The following ZFP69B variants were observed in gnomAD, a reference collection of about 807,000 sequenced individuals.
ZFP69B encodes the protein zinc finger protein 69 homolog B.
In ZFP69B, 20 loss-of-function variants were observed where a neutral mutation model predicts 19.7. That is an observed-to-expected ratio of 1.02 (90% CI 0.71 to 1.48). The LOEUF (loss-of-function observed/expected upper bound fraction) is 1.48. Among genes scored for constraint, ZFP69B ranks in the 40% most tolerant of loss-of-function variants. The pLI, the probability that ZFP69B is intolerant of heterozygous loss-of-function variation, is 0.00. For missense variants in ZFP69B, 583 were observed against 632.6 expected (o/e 0.92, Z 0.84); for synonymous variants, 220 against 222.7 (o/e 0.99, Z 0.11).
chr1:40,460,061 T>C (rs1645267700), intron 4 of ZFP69B, among the ~76,000 whole-genome samples: 1 of 152,182 alleles, frequency 6.6e-6, no homozygotes, highest in Non-Finnish European at 1.5e-5. Context: ...GAAGCCATTT[T>C]CTACCTCTTA....
At position 40,462,638 on chromosome 1, in the gene ZFP69B, T is replaced by C. The variant is rs1645299900; in HGVS notation, c.654T>C (p.Thr218=). 2 of 1,614,018 alleles carry C rather than the reference T, an allele frequency of 1.2e-6. No homozygotes were observed. Among genetic ancestry groups the C allele is most frequent in the African/African-American group, 2.7e-5 (2 of 75,012 alleles). Residue 218 remains threonine (T), a synonymous_variant, in exon 5 of 5, where the codon ACT becomes ACC. Coordinates refer to ENST00000361584, the MANE Select transcript of ZFP69B (RefSeq NM_023070.3). ...CCCTGATGTGCAAGAAAACATTCAC[T>C]CAGGAGAGAGGCCAAGAGTCTAATA... ...QIPLMCKKTF[T]QERGQESNRF... is the part of the protein sequence containing the mutation.
At position 40,462,456 on chromosome 1, in the gene ZFP69B, T is replaced by C. The variant is rs1314340844; in HGVS notation, c.472T>C (p.Leu158=). The change falls in exon 5 of 5, where the codon TTA becomes CTA. Residue 158 remains leucine, a synonymous_variant. Coordinates refer to ENST00000361584, the MANE Select transcript of ZFP69B (RefSeq NM_023070.3). ...CAAAACAAAAACCAAAGAGTCAGCC[T>C]TACAGAATGATATTTCGTGGGAAGA... The part of the protein sequence containing the change: ...KSKTKTKESA[L]QNDISWEELH... 2 of 1,609,718 alleles carry C rather than the reference T, an allele frequency of 1.2e-6. No individual in the cohort carries two copies. The highest frequency in any genetic ancestry group is 2.7e-5 in the African/African-American group (2 of 74,622).
Position 40,463,050 on chromosome 1 carries a change from A to G in ZFP69B, c.1066A>G (p.Ile356Val). 6.2e-7 allele frequency: 1 copy of G among 1,613,974 alleles called. No individual in the cohort carries two copies. The highest frequency in any genetic ancestry group is 8.5e-7 in the Non-Finnish European group (1 of 1,179,822). Reference protein sequence around the residue: ...HPSSLTQHVRIHTGEKPYECR... With the variant: ...HPSSLTQHVRVHTGEKPYECR... ...TTCATCGCTTACTCAACATGTTAGA[A>G]TTCATACCGGGGAAAAGCCCTATGA... The change falls in exon 5 of 5, where the codon ATT becomes GTT. Residue 356 changes from isoleucine (I) to valine (V), a missense_variant. Ile to Val is a conservative substitution (Grantham distance 29). Transcript: ENST00000361584.
chr1:40,463,201 T>G lies in ZFP69B; in HGVS notation c.1217T>G (p.Leu406Arg), dbSNP rs1238753880. The G allele has an allele frequency of 1.9e-6, 3 of 1,614,172 alleles. No homozygotes were observed. In the South Asian group the frequency reaches 3.3e-5, roughly 18 times the overall value. The change falls in exon 5 of 5, where the codon CTT becomes CGT. Residue 406 changes from leucine (L) to arginine (R), a missense_variant. Transcript: ENST00000361584. ...AAAGCGTTTTTCCAGATTAGACACC[T>G]TAGGCAACATGAGATTATTCATACT... ...CGKAFFQIRH[L>R]RQHEIIHTGV...
rs778350460 is a variant in ZFP69B, at chr1:40,450,820, T to C, written c.-142T>C. 3.3e-6 allele frequency: 3 copies of C among 907,788 alleles called. No individual in the cohort carries two copies. The highest frequency in any genetic ancestry group is 1.7e-5 in the African/African-American group (1 of 57,364). 56.2% of individuals were successfully genotyped at this position (907,788 alleles called of 1,614,324 possible). On this transcript the variant is annotated 5_prime_UTR_variant, in exon 1 of 5. Coordinates refer to ENST00000361584, the MANE Select transcript of ZFP69B (RefSeq NM_023070.3). ...TTCCCTGGGTTCCTGAGAGAGGACA[T>C]TGAGGAGTAGGAGTCGGCGATTAAG... is the stretch of plus-strand genomic sequence containing the variant.
intron 4 of ZFP69B, among the ~76,000 whole-genome samples, chr1:40,461,655 T>C (rs1645286563): frequency 6.6e-6 from 1 of 151,936 alleles, no homozygotes; most frequent in African/African-American, 2.4e-5. Flanking sequence ...ATTAGCCAGG[T>C]ATGGTGGCAT....
intron 4 of ZFP69B, among the ~76,000 whole-genome samples, chr1:40,459,539 C>A (rs1645263186): frequency 6.6e-6 from 1 of 152,156 alleles, no homozygotes; most frequent in African/African-American, 2.4e-5. Context: ...CTTGTTAGAT[C>A]CATTTCTACT....
Position 40,462,875 on chromosome 1 carries a change from C to G in ZFP69B, c.891C>G (p.His297Gln), listed in dbSNP as rs1210337885. The change falls in exon 5 of 5, where the codon CAC becomes CAG. Residue 297 changes from histidine (H) to glutamine (Q), a missense_variant. By Grantham distance (24) the His-to-Gln change is conservative. Coordinates refer to ENST00000361584, the MANE Select transcript of ZFP69B (RefSeq NM_023070.3). ...IFKQLIHLTEHMRIHTGEKPF... is the reference protein window; with the variant it reads ...IFKQLIHLTEQMRIHTGEKPF... ...AACAGCTTATTCACCTTACTGAACA[C>G]ATGAGAATTCATACCGGGGAGAAAC... 2.5e-6 allele frequency: 4 copies of G among 1,614,136 alleles called. No individual in the cohort carries two copies. Among genetic ancestry groups the G allele is most frequent in the Non-Finnish European group, 3.4e-6 (4 of 1,180,020 alleles).
intron 1 of ZFP69B, 102 bp downstream of exon 1, chr1:40,451,190 G>A: frequency 1.5e-6 from 2 of 1,341,182 alleles, no homozygotes; most frequent in Non-Finnish European, 9.7e-7. Context: ...AGACGAGTGG[G>A]TGGAGGGTTT....
At chr1:40,459,443 C>G (rs143258662) in intron 4 of ZFP69B, among the ~76,000 whole-genome samples, 1,611 of 152,278 alleles carry the variant, frequency 0.011, 16 homozygotes, top group African/African-American at 0.037. Flanking sequence ...CTTTCAGTCT[C>G]TAGAAATCAT....
intron 2 of ZFP69B, among the ~76,000 whole-genome samples, chr1:40,454,491 T>C (rs1218214745): frequency 6.6e-6 from 1 of 152,036 alleles, no homozygotes; most frequent in Admixed American, 6.6e-5. Context: ...CTCCGTCTCC[T>C]GGGTTCACGC....
At chr1:40,460,992 A>AT (rs1047840087) in intron 4 of ZFP69B, among the ~76,000 whole-genome samples, 4 of 150,770 alleles carry the variant, frequency 2.7e-5, no homozygotes, top group Admixed American at 2.6e-4. Context: ...AAAAAAAAAA[A>AT]AAAAAAAGCC....
chr1:40,453,579 G>A (rs543301099), intron 1 of ZFP69B, among the ~76,000 whole-genome samples: 8 of 152,312 alleles, frequency 5.3e-5, no homozygotes, highest in Non-Finnish European at 8.8e-5. Context: ...TAGGATTTGG[G>A]TGGGGTACTA....
chr1:40,462,226 A>G (rs1479449133), intron 4 of ZFP69B, among the ~76,000 whole-genome samples, 195 bp from the exon 5 acceptor site: 2 of 152,036 alleles, frequency 1.3e-5, no homozygotes, highest in Non-Finnish European at 2.9e-5. Flanking sequence ...GGTCCACCTT[A>G]CATACTTCTG....
intron 2 of ZFP69B, among the ~76,000 whole-genome samples, chr1:40,456,326 G>A (rs114808892): frequency 0.027 from 4,080 of 152,198 alleles, 51 homozygotes; most frequent in African/African-American, 0.038. Context: ...GTATCTCATC[G>A]TGGTTTTGAT....
chr1:40,462,430 GC>G lies in ZFP69B; in HGVS notation c.447del (p.Ser149ArgfsTer23). On this transcript the variant is annotated frameshift_variant, in exon 5 of 5. Coordinates refer to ENST00000361584, the MANE Select transcript of ZFP69B (RefSeq NM_023070.3). LOFTEE classifies it low-confidence loss of function (END_TRUNC). ...ISGVPSSDLK[S>X]KTKTKESALQ... Reference sequence around the variant, plus strand: ...TTATTATTTCTTTCAGACTTGAAGAGCAAAACAAAAACCAAAGAGTCAGCCT... The same window carrying G: ...TTATTATTTCTTTCAGACTTGAAGAGAAAACAAAAACCAAAGAGTCAGCCT... 6.3e-7 allele frequency: 1 copy of G among 1,581,042 alleles called. No homozygotes were observed. Among genetic ancestry groups the G allele is most frequent in the Non-Finnish European group, 8.6e-7 (1 of 1,169,414 alleles).
chr1:40,460,825 A>T (rs550661905), intron 4 of ZFP69B, among the ~76,000 whole-genome samples: 1 of 152,242 alleles, frequency 6.6e-6, no homozygotes, highest in South Asian at 2.1e-4. Flanking sequence ...TACTAAAAAT[A>T]CAAAAAGTAG....
intron 1 of ZFP69B, 65 bp downstream of exon 1, chr1:40,451,153 T>C (rs1191960073): frequency 3.5e-6 from 5 of 1,424,374 alleles, no homozygotes; most frequent in Non-Finnish European, 9.3e-7. Flanking sequence ...AAGGAATGAG[T>C]CACTTGAGTG....
chr1:40,456,980 CACTCAGGA>C lies in ZFP69B; in HGVS notation c.250_257del (p.Thr84GlyfsTer75), dbSNP rs745921583. On this transcript the variant is annotated frameshift_variant, in exon 3 of 5. Transcript: ENST00000361584. LOFTEE classifies it high-confidence loss of function. ...CCTTCAAGGACGTATCTGTGGACTT[CACTCAGGA>C]GGAGTGGGGGCAGCTGGCCCCTGCT... The C allele has an allele frequency of 3.3e-5, 54 of 1,613,994 alleles. No homozygotes were observed. The highest frequency in any genetic ancestry group is 4.5e-5 in the Non-Finnish European group (53 of 1,180,012).
Sources: allele counts gnomAD v4.1 joint callset (sites outside exome capture counted in the v4.1 genomes callset), GRCh38; gene constraint gnomAD v4.1.1; transcripts MANE v1.5; gene names NCBI Gene and HGNC (gene_info 2026-07-23, HGNC 2026-07-21).